NBEAL1: variants seen among roughly 807,000 people sequenced by gnomAD.
NBEAL1 encodes neurobeachin like 1, also known as neurobeachin-like protein 1.
Under a neutral mutation model 351.3 loss-of-function variants are expected in NBEAL1, and 273 were observed. The ratio of observed to expected loss-of-function variants is 0.78; its 90% CI spans 0.70 to 0.86. The LOEUF is 0.86. Among genes scored for constraint, NBEAL1 ranks in the 40% least tolerant of loss-of-function variants. The pLI is 0.00. For synonymous variants in NBEAL1, 1,050 were observed against 1,086.4 expected, an observed-to-expected ratio of 0.97 and a Z score of 0.66; for missense variants, 2,961 against 3,201.3, an observed-to-expected ratio of 0.92 and a Z score of 1.81.
At chr2:203,133,485 C>T (rs1441253590) in intron 27 of NBEAL1, among the ~76,000 whole-genome samples, 1 of 151,704 alleles carries the variant, frequency 6.6e-6, no homozygotes, top group African/African-American at 2.4e-5. Flanking sequence ...TCTTTTGAAA[C>T]TTTCTGGAAA....
intron 12 of NBEAL1, among the ~76,000 whole-genome samples, chr2:203,107,182 G>A (rs191912847): frequency 4.6e-5 from 7 of 152,110 alleles, no homozygotes; most frequent in Admixed American, 3.9e-4. Context: ...CACAGTTATT[G>A]TTAATTTCAT....
At chr2:203,158,815 GT>G (rs71034220) in intron 36 of NBEAL1, among the ~76,000 whole-genome samples, 487 of 84,362 alleles carry the variant, frequency 5.8e-3, no homozygotes, top group African/African-American at 0.018. Flanking sequence ...TTTCTGTAGG[GT>G]TTTTTTTTTT....
chr2:203,100,933 T>A (rs2062306171), intron 12 of NBEAL1, among the ~76,000 whole-genome samples: 1 of 152,206 alleles, frequency 6.6e-6, no homozygotes, highest in Non-Finnish European at 1.5e-5. Context: ...TTTGTCTAAG[T>A]GCCTTATAGA....
chr2:203,163,551 C>A (rs1276189047), intron 36 of NBEAL1, among the ~76,000 whole-genome samples: 2 of 152,152 alleles, frequency 1.3e-5, no homozygotes, highest in African/African-American at 2.4e-5. Context: ...CCAGAAAATT[C>A]TCTGTGTTCT....
chr2:203,116,573 C>A (rs1298982192), intron 18 of NBEAL1, among the ~76,000 whole-genome samples: 1 of 150,594 alleles, frequency 6.6e-6, no homozygotes, highest in African/African-American at 2.4e-5. Context: ...GAGTTCCAGA[C>A]TAGCCTAAGC....
intron 36 of NBEAL1, among the ~76,000 whole-genome samples, chr2:203,164,700 T>C (rs2064078183): frequency 1.3e-5 from 2 of 152,070 alleles, no homozygotes; most frequent in South Asian, 4.1e-4. Flanking sequence ...CTTAAAATGG[T>C]GATACAGAAC....
Position 203,113,242 on chromosome 2 carries a change from G to C in NBEAL1, c.2430G>C (p.Leu810=). ...GTGAATGGGGGTGTCCCACATCTCT[G>C]GAGGGTCAGCTAGGATCTGTTATCA... ...QDSEWGCPTS[L]EGQLGSVIIF... is the part of the protein sequence containing the mutation. The change falls in exon 17 of 56, where the codon CTG becomes CTC. Residue 810 remains leucine, a synonymous_variant. Transcript: ENST00000683969. The C allele has an allele frequency of 6.5e-7, 1 of 1,526,948 alleles. No homozygotes were observed. Among genetic ancestry groups the C allele is most frequent in the African/African-American group, 1.4e-5 (1 of 72,866 alleles). The allele number at this position is 1,526,948 out of a possible 1,614,324, so 94.6% of individuals were successfully genotyped here.
intron 10 of NBEAL1, among the ~76,000 whole-genome samples, chr2:203,088,185 A>G (rs2062003072): frequency 6.6e-6 from 1 of 152,224 alleles, no homozygotes; most frequent in Non-Finnish European, 1.5e-5. Flanking sequence ...CCTTTTCTGT[A>G]TAACTATGTT....
intron 35 of NBEAL1, among the ~76,000 whole-genome samples, chr2:203,153,552 A>T (rs1449053259): frequency 6.6e-6 from 1 of 152,192 alleles, no homozygotes; most frequent in Non-Finnish European, 1.5e-5. Context: ...ATTTTGAAAT[A>T]AATCAGATAC....
intron 36 of NBEAL1, among the ~76,000 whole-genome samples, chr2:203,159,114 C>T (rs1174228124): frequency 2.6e-5 from 4 of 152,036 alleles, no homozygotes; most frequent in Non-Finnish European, 5.9e-5. Flanking sequence ...GAGAGTGAGC[C>T]GCTGCACCCA....
At chr2:203,190,187 C>T in intron 45 of NBEAL1, 105 bp from the exon 46 acceptor site, 1 of 643,032 alleles carries the variant, frequency 1.6e-6, no homozygotes, top group Non-Finnish European at 2.8e-6. Context: ...CACACACACA[C>T]ACACACACAC....
At chr2:203,122,109 A>T in intron 18 of NBEAL1, 145 bp from the exon 19 acceptor site, 3 of 521,934 alleles carry the variant, frequency 5.7e-6, no homozygotes, top group Non-Finnish European at 9.9e-6. Context: ...TTAAAACAGA[A>T]CAGCAATACT....
intron 33 of NBEAL1, among the ~76,000 whole-genome samples, chr2:203,145,881 G>C (rs1471898799): frequency 2.0e-5 from 3 of 148,704 alleles, no homozygotes; most frequent in Non-Finnish European, 4.5e-5. Flanking sequence ...AATGAGTAAA[G>C]ATAAAAACAG....
intron 53 of NBEAL1, 72 bp from the exon 54 acceptor site, chr2:203,210,880 TATAGTC>T: frequency 2.6e-6 from 2 of 755,002 alleles, no homozygotes; most frequent in Non-Finnish European, 4.1e-6. Context: ...ATTATTCTGT[TATAGTC>T]AGAGTTTTAA....
chr2:203,167,327 C>T lies in NBEAL1; in HGVS notation c.5964C>T (p.Asp1988=). The stretch of plus-strand genomic sequence containing the variant: ...CAGCCCTTGAGATTTTTCATGTTGA[C>T]CAATCCAACTACTTTCTCAATTTCA... ...RRSALEIFHV[D]QSNYFLNFKK... Residue 1988 remains aspartate (D), a synonymous_variant, in exon 38 of 56, where the codon GAC becomes GAT. Transcript: ENST00000683969. The T allele has an allele frequency of 6.2e-7, 1 of 1,611,740 alleles. No individual in the cohort carries two copies. Among genetic ancestry groups the T allele is most frequent in the Non-Finnish European group, 8.5e-7 (1 of 1,179,082 alleles).
rs2065917550 is a variant in NBEAL1 at position 203,218,188 on chromosome 2, T to C, written c.*834T>C. 1 of 152,956 alleles carries C rather than the reference T, an allele frequency of 6.5e-6. No individual in the cohort carries two copies. The highest frequency in any genetic ancestry group is 1.5e-5 in the Non-Finnish European group (1 of 68,752). The allele number at this position is 152,956 out of a possible 1,614,324, so 9.5% of individuals were successfully genotyped here. A position where few individuals can be genotyped will look rare whatever the true frequency, so the allele number is the denominator to read the frequency against. ...ATTAAGAGTTAGTAGTACCCAAATA[T>C]GTTGAATTTTTACTTAGGATATCTG... On this transcript the variant is annotated 3_prime_UTR_variant, in exon 56 of 56. Transcript: ENST00000683969.
chr2:203,193,806 T>G lies in NBEAL1; in HGVS notation c.6933T>G (p.Pro2311=). The change falls in exon 47 of 56, where the codon CCT becomes CCG. Residue 2311 remains proline (P), a synonymous_variant. Transcript: ENST00000683969. The part of the protein sequence containing the change: ...TPCQLLKEPH[P]PRLSAEEAVQ... Reference sequence around the variant, plus strand: ...AAATTATTTTGAAGGAACCACACCCTCCAAGATTATCAGCAGAAGAAGCAG... The same window carrying G: ...AAATTATTTTGAAGGAACCACACCCGCCAAGATTATCAGCAGAAGAAGCAG... 1 of 1,611,022 alleles carries G rather than the reference T, an allele frequency of 6.2e-7. No homozygotes were observed. The highest frequency in any genetic ancestry group is 8.5e-7 in the Non-Finnish European group (1 of 1,178,276).
At chr2:203,157,615 A>G (rs763797797) in intron 35 of NBEAL1, 84 bp from the exon 36 acceptor site, 36 of 1,001,074 alleles carry the variant, frequency 3.6e-5, no homozygotes, top group Non-Finnish European at 3.9e-5. Context: ...ACAGTCAGGA[A>G]CACAATTAGC....
intron 51 of NBEAL1, among the ~76,000 whole-genome samples, chr2:203,207,618 A>G (rs2065645809): frequency 6.6e-6 from 1 of 152,156 alleles, no homozygotes; most frequent in Admixed American, 6.5e-5. Flanking sequence ...CTTACCCCCA[A>G]CCCTGTGCTC....
Sources: gnomAD v4.1 joint callset for allele counts (sites outside exome capture counted in the v4.1 genomes callset) on GRCh38, gnomAD v4.1.1 for gene constraint, MANE v1.5 for transcripts, NCBI Gene and HGNC (gene_info 2026-07-23, HGNC 2026-07-21) for gene names.